Variants in LEMD1 observed in about 807,000 individuals in gnomAD.
The protein encoded by LEMD1 is LEM domain-containing protein 1.
LEMD1 carries 18 observed loss-of-function variants against 17.4 expected under a neutral mutation model. The observed-to-expected ratio is 1.04, with a 90% CI of 0.72 to 1.54. The LOEUF is 1.54. LEMD1 is among the 40% of genes most tolerant of loss of function. The probability of loss-of-function intolerance (pLI) is 0.00; values close to 1 mark genes in which losing one functional copy is unlikely to be tolerated. For missense variants in LEMD1, 195 were observed against 210.4 expected, an observed-to-expected ratio of 0.93 and a Z score of 0.45; for synonymous variants, 88 against 77.8, an observed-to-expected ratio of 1.13 and a Z score of -0.69.
chr1:205,444,113 G>A (rs970680391), intron 1 of LEMD1, among the ~76,000 whole-genome samples: 1 of 152,048 alleles, frequency 6.6e-6, no homozygotes, highest in Non-Finnish European at 1.5e-5. Context: ...GCTCATCATG[G>A]GAACTCCCCT....
chr1:205,430,237 G>T (rs1322085732), intron 1 of LEMD1, among the ~76,000 whole-genome samples: 1 of 152,208 alleles, frequency 6.6e-6, no homozygotes, highest in African/African-American at 2.4e-5. Flanking sequence ...TCGGCTTCAG[G>T]CCCGCCCAAG....
intron 4 of LEMD1, among the ~76,000 whole-genome samples, chr1:205,393,492 A>G (rs1664438873): frequency 6.6e-6 from 1 of 152,034 alleles, no homozygotes; most frequent in Admixed American, 6.6e-5. Context: ...CCTGGCCAAC[A>G]TGGTGAAACA....
intron 1 of LEMD1, among the ~76,000 whole-genome samples, chr1:205,440,266 G>T (rs962225236): frequency 6.6e-6 from 1 of 152,194 alleles, no homozygotes; most frequent in Non-Finnish European, 1.5e-5. Flanking sequence ...TCAGGGCCGG[G>T]GCTGGAGGAA....
In LEMD1 at chr1:205,444,899, C is replaced by T. The variant is rs1383383116; in HGVS notation, c.-39+4969G>A. 4.6e-5 allele frequency among the ~76,000 whole-genome samples: 7 copies of T among 151,706 alleles called. No homozygotes were observed. The East Asian group carries it at 1.4e-3, about 29-fold the overall frequency. The stretch of plus-strand genomic sequence containing the variant: ...CCCACCTTAACTCCCCGCCACCCCC[C>T]ACCCCAGGTAAAGGGCAAAAGAGAA... On this transcript the variant is annotated intron_variant, in intron 1 of 3. Transcript: ENST00000367154.
intron 1 of LEMD1, among the ~76,000 whole-genome samples, chr1:205,447,696 C>T (rs1190354571): frequency 6.6e-6 from 1 of 152,136 alleles, no homozygotes; most frequent in East Asian, 1.9e-4. Context: ...GAGGGGGCAG[C>T]TCCTGGAGAT....
intron 1 of LEMD1, chr1:205,435,726 A>G (rs1347903336): frequency 6.6e-6 from 1 of 152,182 alleles, no homozygotes; most frequent in Non-Finnish European, 1.5e-5. Flanking sequence ...TGTAGGAAAA[A>G]ATCCATCCTG....
At chr1:205,406,974 A>G (rs1432760040) in intron 4 of LEMD1, among the ~76,000 whole-genome samples, 3 of 152,122 alleles carry the variant, frequency 2.0e-5, no homozygotes, top group Non-Finnish European at 2.9e-5. Flanking sequence ...CTGGTGCCCA[A>G]AGACCCTTAG....
intron 4 of LEMD1, among the ~76,000 whole-genome samples, chr1:205,405,436 G>A (rs576027910): frequency 1.1e-4 from 16 of 148,460 alleles, no homozygotes; most frequent in East Asian, 5.8e-4. Context: ...TTCCCTTCTC[G>A]CTTCATTTCA....
chr1:205,387,851 G>A (rs930570552), intron 4 of LEMD1, among the ~76,000 whole-genome samples: 1 of 152,208 alleles, frequency 6.6e-6, no homozygotes, highest in Non-Finnish European at 1.5e-5. Flanking sequence ...ACAACAAACT[G>A]TGACTGTCTC....
chr1:205,446,547 A>G (rs1666392407), intron 1 of LEMD1, among the ~76,000 whole-genome samples: 2 of 152,244 alleles, frequency 1.3e-5, no homozygotes, highest in Admixed American at 1.3e-4. Flanking sequence ...ACCCGGGCAA[A>G]CTGAACAACA....
intron 5 of LEMD1, among the ~76,000 whole-genome samples, chr1:205,383,384 T>G (rs1296624771): frequency 1.3e-5 from 2 of 151,202 alleles, no homozygotes; most frequent in Admixed American, 6.6e-5. Context: ...CATGAGCCAC[T>G]GTGCCCAGCC....
chr1:205,422,685 T>C (rs1179065245), upstream of LEMD1, among the ~76,000 whole-genome samples: 1 of 152,228 alleles, frequency 6.6e-6, no homozygotes, highest in African/African-American at 2.4e-5. Context: ...ACTATTAGCC[T>C]GCATCTTTCA....
At chr1:205,407,038 A>G (rs926575179) in intron 4 of LEMD1, among the ~76,000 whole-genome samples, 1 of 152,160 alleles carries the variant, frequency 6.6e-6, no homozygotes, top group East Asian at 1.9e-4. Flanking sequence ...TGATAAGAAG[A>G]TTTGAACTTG....
At chr1:205,392,133 C>A (rs1461615160) in intron 4 of LEMD1, among the ~76,000 whole-genome samples, 1 of 151,514 alleles carries the variant, frequency 6.6e-6, no homozygotes, top group Non-Finnish European at 1.5e-5. Flanking sequence ...AAACAAAAAC[C>A]ATCCAGGGTC....
chr1:205,411,046 A>C (rs575993364), intron 4 of LEMD1, among the ~76,000 whole-genome samples: 42 of 149,376 alleles, frequency 2.8e-4, no homozygotes, highest in African/African-American at 1.0e-3. Flanking sequence ...AGAAGGAAGG[A>C]AGGCAGGAAG....
upstream of LEMD1, among the ~76,000 whole-genome samples, chr1:205,426,619 G>A (rs1053191086): frequency 6.6e-6 from 1 of 152,144 alleles, no homozygotes; most frequent in South Asian, 2.1e-4. Context: ...AACAAGGCTT[G>A]GGGGTAGAAG....
chr1:205,411,621 AGAAG>A (rs1365703453), intron 4 of LEMD1, among the ~76,000 whole-genome samples: 11 of 147,970 alleles, frequency 7.4e-5, no homozygotes, highest in South Asian at 2.2e-4. Context: ...AAAGAAGGAA[AGAAG>A]GAAGGAAGGA....
intron 4 of LEMD1, among the ~76,000 whole-genome samples, chr1:205,394,858 G>A (rs988484220): frequency 2.6e-5 from 4 of 151,594 alleles, no homozygotes; most frequent in African/African-American, 9.7e-5. Flanking sequence ...GTGGTGACGT[G>A]CACCTGTAAT....
intron 1 of LEMD1, among the ~76,000 whole-genome samples, chr1:205,432,708 C>A (rs1666143334): frequency 6.6e-6 from 1 of 152,198 alleles, no homozygotes; most frequent in Non-Finnish European, 1.5e-5. Flanking sequence ...AGAGGAGGGT[C>A]CCCGGGAAAT....
Sources: gnomAD v4.1 joint callset for allele counts (sites outside exome capture counted in the v4.1 genomes callset) on GRCh38, gnomAD v4.1.1 for gene constraint, MANE v1.5 for transcripts, NCBI Gene and HGNC (gene_info 2026-07-23, HGNC 2026-07-21) for gene names.